Variants in COMMD10 observed in about 807,000 individuals in gnomAD.
COMMD10 encodes the protein COMM domain containing 10.
In COMMD10, 33 loss-of-function variants were observed where a neutral mutation model predicts 28.9. The ratio of observed to expected loss-of-function variants is 1.14; its 90% CI spans 0.87 to 1.53. The LOEUF (loss-of-function observed/expected upper bound fraction) is 1.53. Ranked by LOEUF, COMMD10 falls within the 40% of genes most tolerant of loss-of-function variation. The probability of loss-of-function intolerance (pLI) is 0.00; values close to 1 mark genes in which losing one functional copy is unlikely to be tolerated. For missense variants in COMMD10, 310 were observed against 233.4 expected (o/e 1.33, Z -2.14); for synonymous variants, 110 against 81.7 (o/e 1.35, Z -1.87).
At chr5:116,100,009 TTA>T (rs1283553014) in intron 4 of COMMD10, among the ~76,000 whole-genome samples, 1 of 152,142 alleles carries the variant, frequency 6.6e-6, no homozygotes, top group African/African-American at 2.4e-5. Flanking sequence ...CTGAATTCAT[TTA>T]TGTTTCAAAT....
intron 5 of COMMD10, among the ~76,000 whole-genome samples, chr5:116,287,902 A>G (rs79600436): frequency 5.6e-3 from 843 of 151,844 alleles, no homozygotes; most frequent in Non-Finnish European, 6.6e-3. Context: ...TCTATATATT[A>G]CATGTACATT....
chr5:116,253,657 A>G (rs1249065815), intron 5 of COMMD10, among the ~76,000 whole-genome samples: 2 of 145,726 alleles, frequency 1.4e-5, no homozygotes, highest in Non-Finnish European at 1.5e-5. Context: ...CCACTTGATC[A>G]TGGTGGATAA....
chr5:116,117,398 A>C (rs1250316767), intron 4 of COMMD10, among the ~76,000 whole-genome samples: 1 of 152,116 alleles, frequency 6.6e-6, no homozygotes, highest in Non-Finnish European at 1.5e-5. Context: ...TGTGAATCTC[A>C]CCTTGAGTGG....
chr5:116,232,644 A>C (rs375651402), intron 5 of COMMD10, among the ~76,000 whole-genome samples: 7 of 152,116 alleles, frequency 4.6e-5, no homozygotes, highest in African/African-American at 1.7e-4. Context: ...CAGAGGTTGC[A>C]GTGAGCCAGG....
At chr5:116,139,550 C>A (rs1319226736) in intron 5 of COMMD10, among the ~76,000 whole-genome samples, 1 of 151,252 alleles carries the variant, frequency 6.6e-6, no homozygotes, top group Non-Finnish European at 1.5e-5. Flanking sequence ...TTGGAATGAC[C>A]TTCACATTTT....
intron 5 of COMMD10, among the ~76,000 whole-genome samples, chr5:116,210,691 A>T (rs567473994): frequency 6.6e-6 from 1 of 152,216 alleles, no homozygotes; most frequent in Non-Finnish European, 1.5e-5. Flanking sequence ...TATATGCTAA[A>T]TGCAACCACT....
intron 5 of COMMD10, among the ~76,000 whole-genome samples, chr5:116,274,661 C>T (rs1430955850): frequency 2.0e-5 from 3 of 151,746 alleles, no homozygotes; most frequent in Non-Finnish European, 4.4e-5. Context: ...ACTTACCAGT[C>T]CTTGTCTCAT....
intron 5 of COMMD10, among the ~76,000 whole-genome samples, chr5:116,182,235 T>G (rs1313478732): frequency 6.6e-6 from 1 of 152,068 alleles, no homozygotes; most frequent in African/African-American, 2.4e-5. Context: ...AAAAGTTTCT[T>G]TACTCTAAGA....
At chr5:116,111,156 C>T (rs993362911) in intron 4 of COMMD10, among the ~76,000 whole-genome samples, 4 of 151,972 alleles carry the variant, frequency 2.6e-5, no homozygotes, top group African/African-American at 9.7e-5. Flanking sequence ...ATATTTGGAT[C>T]TTCTTTCCTC....
chr5:116,133,770 T>C (rs543592361), intron 4 of COMMD10, among the ~76,000 whole-genome samples: 1 of 152,330 alleles, frequency 6.6e-6, no homozygotes, highest in African/African-American at 2.4e-5. Context: ...ATTTAATATT[T>C]AAAAACCATT....
At position 116,085,030 on chromosome 5, in the gene COMMD10, G is replaced by A; in HGVS notation, c.-23G>A. 1 of 1,602,812 alleles carries A rather than the reference G, an allele frequency of 6.2e-7. No individual in the cohort carries two copies. Among genetic ancestry groups the A allele is most frequent in the African/African-American group, 1.3e-5 (1 of 74,930 alleles). Reference sequence around the variant, plus strand: ...CTGGGTTCGGCGCAGCTAACAGACGGCGGCAGTGCGAGAAAGCCGAAGATG... The same window carrying A: ...CTGGGTTCGGCGCAGCTAACAGACGACGGCAGTGCGAGAAAGCCGAAGATG... On this transcript the variant is annotated 5_prime_UTR_variant, in exon 1 of 7. Coordinates refer to ENST00000274458, the MANE Select transcript of COMMD10 (RefSeq NM_016144.4).
At chr5:116,125,338 G>T (rs1215972622) in intron 4 of COMMD10, among the ~76,000 whole-genome samples, 1 of 152,078 alleles carries the variant, frequency 6.6e-6, no homozygotes, top group African/African-American at 2.4e-5. Flanking sequence ...TGAAATTCTG[G>T]GTTGAAAATT....
chr5:116,183,804 A>G (rs1443090254), intron 5 of COMMD10, among the ~76,000 whole-genome samples: 2 of 152,110 alleles, frequency 1.3e-5, no homozygotes. Context: ...CCCTTAGGAA[A>G]TGTCTCTACT....
At chr5:116,291,749 T>TTCA (rs770964653) in intron 6 of COMMD10, among the ~76,000 whole-genome samples, 173 bp downstream of exon 6, 7,931 of 152,060 alleles carry the variant, frequency 0.052, 286 homozygotes, top group East Asian at 0.14. Flanking sequence ...GAAGAGAATT[T>TTCA]GAAAAACTAA....
At chr5:116,210,567 C>A (rs1186743405) in intron 5 of COMMD10, among the ~76,000 whole-genome samples, 1 of 152,006 alleles carries the variant, frequency 6.6e-6, no homozygotes, top group Non-Finnish European at 1.5e-5. Flanking sequence ...ACATTACAAA[C>A]TTACTATTAG....
At chr5:116,110,901 G>A (rs912219121) in intron 4 of COMMD10, among the ~76,000 whole-genome samples, 12 of 152,080 alleles carry the variant, frequency 7.9e-5, no homozygotes, top group African/African-American at 2.9e-4. Flanking sequence ...TCATTCCTGA[G>A]AAACCTGCCT....
chr5:116,157,699 G>A (rs1420378885), intron 5 of COMMD10, among the ~76,000 whole-genome samples: 1 of 152,142 alleles, frequency 6.6e-6, no homozygotes, highest in East Asian at 1.9e-4. Context: ...CAAAGGTTAT[G>A]TTTATAGTGA....
At chr5:116,280,679 G>A (rs1751046110) in intron 5 of COMMD10, among the ~76,000 whole-genome samples, 1 of 151,768 alleles carries the variant, frequency 6.6e-6, no homozygotes, top group South Asian at 2.1e-4. Flanking sequence ...TGTAAGTAGA[G>A]TTTCATGGTT....
intron 4 of COMMD10, among the ~76,000 whole-genome samples, chr5:116,116,139 C>A (rs13172482): frequency 0.51 from 76,849 of 151,900 alleles, 22,050 homozygotes; most frequent in Non-Finnish European, 0.65. Context: ...AATGGATAGA[C>A]AATAGTCCTA....
Sources: allele counts gnomAD v4.1 joint callset (sites outside exome capture counted in the v4.1 genomes callset), GRCh38; gene constraint gnomAD v4.1.1; transcripts MANE v1.5; gene names NCBI Gene and HGNC (gene_info 2026-07-23, HGNC 2026-07-21).